Variants in TG observed in about 807,000 individuals in gnomAD.
TG encodes thyroglobulin, also known as thyroid hormones.
Under a neutral mutation model 324.7 loss-of-function variants are expected in TG, and 270 were observed. The observed-to-expected ratio is 0.83, with a 90% CI of 0.75 to 0.92. TG has a LOEUF of 0.92. Ranked by LOEUF, TG falls within the 40% of genes least tolerant of loss-of-function variation. TG has a pLI of 0.00. For missense variants in TG, 3,591 were observed against 3,456.4 expected (o/e 1.04, Z -0.98); for synonymous variants, 1,401 against 1,327.0 (o/e 1.06, Z -1.21).
chr8:132,893,925 G>C lies in TG; in HGVS notation c.2997G>C (p.Gln999His), dbSNP rs774018933. 1.2e-6 allele frequency: 2 copies of C among 1,614,050 alleles called. No homozygotes were observed. The highest frequency in any genetic ancestry group is 2.2e-5 in the South Asian group (2 of 91,082). ...GSDYAIRLAA[Q>H]STLSFYQRRR... is the part of the protein sequence containing the mutation. ...ATTACGCCATTCGCCTGGCGGCTCA[G>C]TCTAGTGAGTGTGGTGCCCTTCAGC... is the stretch of plus-strand genomic sequence containing the variant. The change falls in exon 11 of 48, where the codon CAG becomes CAC. Residue 999 changes from glutamine to histidine, a missense_variant. By Grantham distance (24) the Gln-to-His change is conservative. Coordinates refer to ENST00000220616, the MANE Select transcript of TG (RefSeq NM_003235.5).
In TG at chr8:132,893,697, C is replaced by A. The variant is rs575480573; in HGVS notation, c.2769C>A (p.Gly923=). 3.0e-5 allele frequency: 49 copies of A among 1,613,750 alleles called. No individual in the cohort carries two copies. The African/African-American group carries it at 5.2e-4, about 17-fold the overall frequency. Reference sequence around the variant, plus strand: ...TTATTTTTATTCCCCTAGGTCCTGGCTCCTGTGAGGAAGCAAAGCTCCGTG... The same window carrying A: ...TTATTTTTATTCCCCTAGGTCCTGGATCCTGTGAGGAAGCAAAGCTCCGTG... ...SEPSKLPTCP[G]SCEEAKLRVL... is the part of the protein sequence containing the mutation. The change falls in exon 11 of 48, where the codon GGC becomes GGA. Residue 923 remains glycine, a synonymous_variant. Transcript: ENST00000220616.
intron 23 of TG, among the ~76,000 whole-genome samples, chr8:132,932,392 G>A (rs961314948): frequency 6.6e-6 from 1 of 152,142 alleles, no homozygotes; most frequent in Non-Finnish European, 1.5e-5. Flanking sequence ...GCAAATACAG[G>A]GGGAAGGGCT....
At chr8:132,962,762 C>T (rs766782652) in intron 28 of TG, among the ~76,000 whole-genome samples, 11 of 152,042 alleles carry the variant, frequency 7.2e-5, no homozygotes, top group Non-Finnish European at 1.5e-4. Context: ...AAGGGCTTTG[C>T]GTATGTTAAT....
chr8:132,927,549 A>G (rs1294603559), intron 22 of TG, among the ~76,000 whole-genome samples: 7 of 152,230 alleles, frequency 4.6e-5, no homozygotes, highest in Non-Finnish European at 7.3e-5. Flanking sequence ...TAAATATGCA[A>G]ACTGACTCCA....
chr8:132,924,793 A>T (rs1821596903), intron 22 of TG, among the ~76,000 whole-genome samples: 1 of 152,172 alleles, frequency 6.6e-6, no homozygotes, highest in Admixed American at 6.5e-5. Context: ...CCCCGTTGTA[A>T]GAGTGTTGAG....
chr8:133,131,537 G>T (rs962154247), intron 45 of TG, among the ~76,000 whole-genome samples: 10 of 152,198 alleles, frequency 6.6e-5, no homozygotes, highest in Non-Finnish European at 1.2e-4. Context: ...GTGTTGGGAG[G>T]TTTCTCGCAG....
intron 35 of TG, among the ~76,000 whole-genome samples, chr8:132,999,772 T>G (rs1833270350): frequency 6.6e-6 from 1 of 152,246 alleles, no homozygotes; most frequent in Admixed American, 6.5e-5. Flanking sequence ...CAGTGATATT[T>G]CTTCTTAGAA....
intron 41 of TG, among the ~76,000 whole-genome samples, chr8:133,058,292 G>A (rs1162812703): frequency 6.6e-6 from 1 of 152,158 alleles, no homozygotes; most frequent in African/African-American, 2.4e-5. Flanking sequence ...TGGTTGCCTG[G>A]ATCACAAACG....
chr8:133,106,896 C>G (rs79394355), intron 43 of TG, among the ~76,000 whole-genome samples: 1 of 152,174 alleles, frequency 6.6e-6, no homozygotes, highest in Non-Finnish European at 1.5e-5. Flanking sequence ...TCAGGCACTC[C>G]GAGCATAGTT....
intron 38 of TG, 50 bp downstream of exon 38, chr8:133,018,047 C>A: frequency 1.3e-6 from 2 of 1,566,060 alleles, no homozygotes; most frequent in Non-Finnish European, 1.8e-6. Flanking sequence ...GAAATCTCCT[C>A]CATTCTAATC....
chr8:132,974,937 A>AGCATCCT (rs1166077688), intron 34 of TG, among the ~76,000 whole-genome samples: 6 of 152,204 alleles, frequency 3.9e-5, no homozygotes, highest in African/African-American at 1.4e-4. Flanking sequence ...GTCCACCTTC[A>AGCATCCT]GCATCCTGTG....
In TG at chr8:133,131,857, C is replaced by A; in HGVS notation, c.7908C>A (p.Phe2636Leu). 1 of 1,614,206 alleles carries A rather than the reference C, an allele frequency of 6.2e-7. No individual in the cohort carries two copies. Among genetic ancestry groups the A allele is most frequent in the South Asian group, 1.1e-5 (1 of 91,090 alleles). The change falls in exon 46 of 48, where the codon TTC becomes TTA. Residue 2636 changes from phenylalanine to leucine, a missense_variant. Physicochemically the swap from Phe to Leu is conservative, Grantham distance 22. Coordinates refer to ENST00000220616, the MANE Select transcript of TG (RefSeq NM_003235.5). ...ADVQFALGLP[F>L]YPAYEGQFSL... ...TTCAGTTTGCCTTGGGGCTTCCCTT[C>A]TACCCAGCCTACGAGGGGCAGTTTT...
chr8:133,002,467 C>T, intron 35 of TG: 1 of 938,634 alleles, frequency 1.1e-6, no homozygotes, highest in South Asian at 4.9e-5. Flanking sequence ...ATCTGAATAG[C>T]AAATACATTA....
At chr8:132,992,853 G>T (rs905462448) in intron 35 of TG, among the ~76,000 whole-genome samples, 16 of 152,202 alleles carry the variant, frequency 1.1e-4, no homozygotes, top group Admixed American at 9.8e-4. Context: ...TACTGCCTCT[G>T]GGAACCATCG....
At chr8:133,036,174 G>C (rs1451408323) in intron 41 of TG, among the ~76,000 whole-genome samples, 2 of 152,136 alleles carry the variant, frequency 1.3e-5, no homozygotes, top group African/African-American at 4.8e-5. Flanking sequence ...CCCAAACATT[G>C]CCTCTGCTTG....
chr8:133,038,533 A>C, intron 41 of TG: 1 of 1,611,310 alleles, frequency 6.2e-7, no homozygotes, highest in South Asian at 1.1e-5. Flanking sequence ...GCTAGTCCTC[A>C]AAGTAAGGTG....
At chr8:132,899,745 G>A (rs1338601623) in intron 14 of TG, among the ~76,000 whole-genome samples, 1 of 152,174 alleles carries the variant, frequency 6.6e-6, no homozygotes, top group Non-Finnish European at 1.5e-5. Flanking sequence ...AGAGGTAGAA[G>A]CCACAATGTC....
chr8:133,090,249 G>T (rs533990854), intron 41 of TG: 1 of 152,354 alleles, frequency 6.6e-6, no homozygotes, highest in East Asian at 1.9e-4. Flanking sequence ...GTGGTCTGGT[G>T]AGGGCTTAGA....
At chr8:132,880,517 AAC>A (rs1234876618) in intron 5 of TG, among the ~76,000 whole-genome samples, 1 of 152,244 alleles carries the variant, frequency 6.6e-6, no homozygotes, top group Non-Finnish European at 1.5e-5. Flanking sequence ...TTTGTTATGC[AAC>A]ACGCTTACTG....
Sources: gnomAD v4.1 joint callset for allele counts (sites outside exome capture counted in the v4.1 genomes callset) on GRCh38, gnomAD v4.1.1 for gene constraint, MANE v1.5 for transcripts, NCBI Gene and HGNC (gene_info 2026-07-23, HGNC 2026-07-21) for gene names.